LDLRAD4: variants seen among roughly 807,000 people sequenced by gnomAD.
The protein encoded by LDLRAD4 is low density lipoprotein receptor class A domain containing 4.
Under a neutral mutation model 17.0 loss-of-function variants are expected in LDLRAD4, and 5 were observed. The observed-to-expected ratio is 0.29, with a 90% CI of 0.15 to 0.62. LDLRAD4 has a LOEUF of 0.62. LDLRAD4 is among the 20% of genes least tolerant of loss of function. The pLI is 0.84. For synonymous variants in LDLRAD4, 168 were observed against 171.8 expected, an observed-to-expected ratio of 0.98 and a Z score of 0.17; for missense variants, 340 against 424.7, an observed-to-expected ratio of 0.80 and a Z score of 1.75.
chr18:13,249,223 G>A (rs1169658296), intron 1 of LDLRAD4, among the ~76,000 whole-genome samples: 1 of 152,202 alleles, frequency 6.6e-6, no homozygotes, highest in Non-Finnish European at 1.5e-5. Flanking sequence ...AGGTGCAGGT[G>A]TCTCTTCCAT....
intron 1 of LDLRAD4, among the ~76,000 whole-genome samples, chr18:13,379,096 C>T (rs1174712251): frequency 1.3e-5 from 2 of 152,252 alleles, no homozygotes; most frequent in African/African-American, 2.4e-5. Flanking sequence ...TTCCATTTTA[C>T]AGCCAAGGAA....
chr18:13,631,859 G>A (rs370270070), intron 4 of LDLRAD4, among the ~76,000 whole-genome samples: 4 of 152,086 alleles, frequency 2.6e-5, no homozygotes, highest in Admixed American at 6.5e-5. Context: ...CCCGGGAGGC[G>A]GAGGTTGCAG....
At chr18:13,459,758 T>C (rs976777153) in intron 3 of LDLRAD4, among the ~76,000 whole-genome samples, 2 of 152,200 alleles carry the variant, frequency 1.3e-5, no homozygotes, top group African/African-American at 4.8e-5. Context: ...TATGGCTTTG[T>C]CTATAGAAAG....
At chr18:13,439,039 TGGGCTAAGTGAAGG>T (rs1418522560) in intron 3 of LDLRAD4, among the ~76,000 whole-genome samples, 1 of 152,206 alleles carries the variant, frequency 6.6e-6, no homozygotes, top group East Asian at 1.9e-4. Flanking sequence ...TGTGTTTCTC[TGGGCTAAGTGAAGG>T]GGGTTGAGGC....
chr18:13,326,225 C>T (rs772829121), intron 1 of LDLRAD4, among the ~76,000 whole-genome samples: 2 of 152,086 alleles, frequency 1.3e-5, no homozygotes, highest in Non-Finnish European at 2.9e-5. Flanking sequence ...AAGAGGTTTT[C>T]AGGAGGCTTA....
At chr18:13,354,486 A>G (rs1036205961) in intron 1 of LDLRAD4, among the ~76,000 whole-genome samples, 7 of 152,210 alleles carry the variant, frequency 4.6e-5, no homozygotes, top group Non-Finnish European at 1.0e-4. Context: ...TAATTTTGAC[A>G]TAGGCTACTG....
chr18:13,532,656 A>G (rs935219045), intron 3 of LDLRAD4, among the ~76,000 whole-genome samples: 1 of 152,248 alleles, frequency 6.6e-6, no homozygotes, highest in African/African-American at 2.4e-5. Context: ...GATGCTCATC[A>G]TCTTGTCTGG....
chr18:13,417,793 TA>T (rs1232561346), intron 2 of LDLRAD4, among the ~76,000 whole-genome samples: 3 of 152,166 alleles, frequency 2.0e-5, no homozygotes, highest in Non-Finnish European at 4.4e-5. Flanking sequence ...GAGATGTCAG[TA>T]TTCCTTTTTG....
At chr18:13,627,712 A>T (rs1207894563) in intron 4 of LDLRAD4, among the ~76,000 whole-genome samples, 2 of 152,182 alleles carry the variant, frequency 1.3e-5, no homozygotes, top group East Asian at 3.9e-4. Context: ...CTGTCCAGTC[A>T]TCTCCCCAGG....
chr18:13,235,713 C>A (rs190935630), intron 1 of LDLRAD4, among the ~76,000 whole-genome samples: 1 of 152,322 alleles, frequency 6.6e-6, no homozygotes, highest in Admixed American at 6.5e-5. Flanking sequence ...TTGGATGAGT[C>A]GACTTTATTT....
At chr18:13,237,574 A>G (rs1329965941) in intron 1 of LDLRAD4, among the ~76,000 whole-genome samples, 3 of 152,194 alleles carry the variant, frequency 2.0e-5, no homozygotes, top group Non-Finnish European at 4.4e-5. Flanking sequence ...AGTTAGTTCG[A>G]AGACATTCAG....
At chr18:13,362,455 G>A (rs1022816341) in intron 1 of LDLRAD4, 3 of 152,254 alleles carry the variant, frequency 2.0e-5, no homozygotes, top group Admixed American at 1.3e-4. Context: ...ATGTGCAGCA[G>A]CCATTTAGGA....
intron 1 of LDLRAD4, among the ~76,000 whole-genome samples, chr18:13,348,939 G>A (rs945116637): frequency 1.3e-5 from 2 of 152,140 alleles, no homozygotes; most frequent in African/African-American, 4.8e-5. Flanking sequence ...CATTAGGGTG[G>A]GAGAGTGACC....
chr18:13,464,461 C>T (rs2092548198), intron 3 of LDLRAD4, among the ~76,000 whole-genome samples: 2 of 152,196 alleles, frequency 1.3e-5, no homozygotes, highest in Non-Finnish European at 2.9e-5. Flanking sequence ...AACTAATAAT[C>T]TCATTTAGAT....
chr18:13,522,404 T>A (rs2093966769), intron 3 of LDLRAD4: 1 of 152,168 alleles, frequency 6.6e-6, no homozygotes, highest in South Asian at 2.1e-4. Context: ...CATCGTATAA[T>A]GTTGCTTAAG....
At chr18:13,643,778 T>C (rs1171791484) in intron 5 of LDLRAD4, among the ~76,000 whole-genome samples, 16 of 152,264 alleles carry the variant, frequency 1.1e-4, no homozygotes, top group Admixed American at 9.8e-4. Flanking sequence ...ATAACATGTT[T>C]TTGCCTTTAA....
chr18:13,250,680 CAAG>C (rs1486105986), intron 1 of LDLRAD4, among the ~76,000 whole-genome samples: 1 of 151,916 alleles, frequency 6.6e-6, no homozygotes, highest in Admixed American at 6.6e-5. Context: ...AAGATTGAGC[CAAG>C]AAGAAAAAGA....
At chr18:13,624,101 G>T (rs776876875) in intron 4 of LDLRAD4, among the ~76,000 whole-genome samples, 11 of 152,134 alleles carry the variant, frequency 7.2e-5, no homozygotes, top group Admixed American at 2.0e-4. Flanking sequence ...AGGCAGTCCC[G>T]CAACAAAGAC....
intron 3 of LDLRAD4, among the ~76,000 whole-genome samples, chr18:13,473,645 A>ATG (rs1176545957): frequency 1.5e-5 from 1 of 66,062 alleles, no homozygotes; most frequent in Non-Finnish European, 3.2e-5. Flanking sequence ...TCATATATAT[A>ATG]TATATATATA....
Sources: gnomAD v4.1 joint callset for allele counts (sites outside exome capture counted in the v4.1 genomes callset) on GRCh38, gnomAD v4.1.1 for gene constraint, MANE v1.5 for transcripts, NCBI Gene and HGNC (gene_info 2026-07-23, HGNC 2026-07-21) for gene names.